MEF2A: variants seen among roughly 807,000 people sequenced by gnomAD.
MEF2A encodes myocyte enhancer factor 2A.
In MEF2A, 28 loss-of-function variants were observed where a neutral mutation model predicts 55.8. The ratio of observed to expected loss-of-function variants is 0.50; its 90% confidence interval spans 0.37 to 0.69. MEF2A has a LOEUF of 0.69. Among genes scored for constraint, MEF2A ranks in the 30% least tolerant of loss-of-function variants. MEF2A has a pLI of 0.00. For missense variants in MEF2A, 528 were observed against 626.2 expected (o/e 0.84, Z 1.67); for synonymous variants, 239 against 227.1 (o/e 1.05, Z -0.47).
intron 1 of MEF2A, among the ~76,000 whole-genome samples, chr15:99,574,898 C>T (rs113497310): frequency 1.3e-5 from 2 of 152,184 alleles, no homozygotes; most frequent in African/African-American, 4.8e-5. Context: ...AGGTTATATA[C>T]AGGGATAGAT....
At chr15:99,664,113 T>C (rs1027350541) in intron 4 of MEF2A, among the ~76,000 whole-genome samples, 3 of 152,220 alleles carry the variant, frequency 2.0e-5, no homozygotes, top group Non-Finnish European at 4.4e-5. Flanking sequence ...TGAGACTCTT[T>C]CTGGATTCTA....
intron 1 of MEF2A, among the ~76,000 whole-genome samples, chr15:99,591,845 A>G (rs545225795): frequency 6.6e-5 from 10 of 151,936 alleles, no homozygotes; most frequent in Non-Finnish European, 7.4e-5. Context: ...TTTAAAAATC[A>G]TTTTCTTTTT....
At chr15:99,591,183 TCTTC>T (rs1199773642) in intron 1 of MEF2A, among the ~76,000 whole-genome samples, 1 of 152,172 alleles carries the variant, frequency 6.6e-6, no homozygotes, top group African/African-American at 2.4e-5. Flanking sequence ...TTCTTAAAAC[TCTTC>T]CTTCAGTGTT....
At chr15:99,673,740 A>C (rs982910809) in intron 5 of MEF2A, among the ~76,000 whole-genome samples, 1 of 152,218 alleles carries the variant, frequency 6.6e-6, no homozygotes, top group South Asian at 2.1e-4. Flanking sequence ...AATTTAAAGA[A>C]GATACCAAAA....
intron 4 of MEF2A, among the ~76,000 whole-genome samples, chr15:99,651,770 C>G (rs887216343): frequency 2.1e-4 from 32 of 152,082 alleles, no homozygotes; most frequent in Admixed American, 2.1e-3. Flanking sequence ...CATTTATGTG[C>G]TTTGTATAAG....
intron 1 of MEF2A, among the ~76,000 whole-genome samples, chr15:99,572,652 A>T (rs530481446): frequency 1.3e-5 from 2 of 152,342 alleles, no homozygotes; most frequent in African/African-American, 4.8e-5. Context: ...AATGATTGGA[A>T]TGCTGTCTTG....
intron 2 of MEF2A, among the ~76,000 whole-genome samples, chr15:99,613,697 G>A (rs886733267): frequency 6.6e-6 from 1 of 152,194 alleles, no homozygotes; most frequent in Non-Finnish European, 1.5e-5. Flanking sequence ...TTGGGAAATG[G>A]AGACCTTTGA....
At chr15:99,637,257 A>G (rs1426236536) in intron 3 of MEF2A, among the ~76,000 whole-genome samples, 1 of 151,972 alleles carries the variant, frequency 6.6e-6, no homozygotes, top group African/African-American at 2.4e-5. Context: ...GGATGTAGGG[A>G]TCTATTTAGG....
At chr15:99,659,103 G>A (rs1013197788) in intron 4 of MEF2A, among the ~76,000 whole-genome samples, 1 of 152,194 alleles carries the variant, frequency 6.6e-6, no homozygotes, top group Non-Finnish European at 1.5e-5. Flanking sequence ...GACTTTTGAA[G>A]ATAGACTTTC....
chr15:99,641,077 C>T (rs999815997), intron 3 of MEF2A, among the ~76,000 whole-genome samples: 1 of 152,070 alleles, frequency 6.6e-6, no homozygotes, highest in African/African-American at 2.4e-5. Context: ...TTAGCGGGTC[C>T]CAGCCGTCGA....
chr15:99,709,571 G>A (rs765684670), intron 10 of MEF2A, among the ~76,000 whole-genome samples: 9 of 152,192 alleles, frequency 5.9e-5, no homozygotes, highest in African/African-American at 2.2e-4. Flanking sequence ...CTTCAACTCC[G>A]TTCCTTTTTT....
chr15:99,702,899 AC>A (rs1257241237), intron 8 of MEF2A, among the ~76,000 whole-genome samples: 1 of 152,258 alleles, frequency 6.6e-6, no homozygotes, highest in African/African-American at 2.4e-5. Context: ...AATAAAACAT[AC>A]AGCAGTTTCT....
chr15:99,701,907 A>G (rs1006305019), intron 8 of MEF2A, among the ~76,000 whole-genome samples: 4 of 152,194 alleles, frequency 2.6e-5, no homozygotes, highest in East Asian at 1.9e-4. Context: ...TAAACTGCCA[A>G]TTTAGAGACA....
chr15:99,638,557 C>G (rs2044309283), intron 3 of MEF2A, among the ~76,000 whole-genome samples: 1 of 152,038 alleles, frequency 6.6e-6, no homozygotes, highest in Admixed American at 6.5e-5. Context: ...GTAAGCCTTT[C>G]TCCTGCTTTT....
chr15:99,590,883 T>C (rs549622892), intron 1 of MEF2A, among the ~76,000 whole-genome samples: 86 of 152,320 alleles, frequency 5.6e-4, no homozygotes, highest in African/African-American at 1.9e-3. Flanking sequence ...AAATGTCTTA[T>C]AATTTGTCAC....
intron 2 of MEF2A, among the ~76,000 whole-genome samples, chr15:99,624,824 G>A (rs2041813678): frequency 1.3e-5 from 2 of 152,130 alleles, no homozygotes; most frequent in Admixed American, 1.3e-4. Flanking sequence ...ATTTGTTTAT[G>A]TCTTTATTCT....
At chr15:99,597,674 G>A (rs1368276073) in intron 1 of MEF2A, among the ~76,000 whole-genome samples, 6 of 152,106 alleles carry the variant, frequency 3.9e-5, no homozygotes. Flanking sequence ...GGCTTGGGGG[G>A]CATCACGGAA....
chr15:99,595,078 C>T (rs1970703620), intron 1 of MEF2A, among the ~76,000 whole-genome samples: 1 of 152,150 alleles, frequency 6.6e-6, no homozygotes, highest in Non-Finnish European at 1.5e-5. Flanking sequence ...CAGTTAAAAG[C>T]ATTCCTGGAT....
chr15:99,660,366 C>T (rs931883971), intron 4 of MEF2A, among the ~76,000 whole-genome samples: 1 of 152,152 alleles, frequency 6.6e-6, no homozygotes, highest in African/African-American at 2.4e-5. Flanking sequence ...GTATTAGCCT[C>T]CCCTGTGGTT....
Sources: allele counts gnomAD v4.1 joint callset (sites outside exome capture counted in the v4.1 genomes callset), GRCh38; gene constraint gnomAD v4.1.1; transcripts MANE v1.5; gene names NCBI Gene and HGNC (gene_info 2026-07-23, HGNC 2026-07-21).